Variants in MYH8 observed in about 807,000 individuals in gnomAD.
The protein encoded by MYH8 is myosin-8.
Under a neutral mutation model 233.2 loss-of-function variants are expected in MYH8, and 168 were observed. That is an observed-to-expected ratio of 0.72 (90% confidence interval 0.64 to 0.82). The LOEUF is 0.82. Ranked by LOEUF, MYH8 falls within the 40% of genes least tolerant of loss-of-function variation. The probability of loss-of-function intolerance (pLI) is 0.00; values close to 1 mark genes in which losing one functional copy is unlikely to be tolerated. For missense variants in MYH8, 1,995 were observed against 2,327.8 expected (o/e 0.86, Z 2.94); for synonymous variants, 785 against 850.6 (o/e 0.92, Z 1.34).
In MYH8 at chr17:10,398,863, C is replaced by T; in HGVS notation, c.3886G>A (p.Glu1296Lys). 6.2e-7 allele frequency: 1 copy of T among 1,613,180 alleles called. No homozygotes were observed. Among genetic ancestry groups the T allele is most frequent in the Non-Finnish European group, 8.5e-7 (1 of 1,179,972 alleles). Reference sequence around the variant, plus strand: ...AGCTGAGAGACTAAAGCATCTTTCTCATCTAATTGTCGAGAATATTCACCT... The same window carrying T: ...AGCTGAGAGACTAAAGCATCTTTCTTATCTAATTGTCGAGAATATTCACCT... The part of the protein sequence containing the change: ...EAGEYSRQLD[E>K]KDALVSQLSR... Residue 1296 changes from glutamate (E) to lysine (K), a missense_variant, in exon 29 of 40, where the codon GAG becomes AAG. Glu to Lys is a moderately conservative substitution (Grantham distance 56). Coordinates refer to ENST00000403437, the MANE Select transcript of MYH8 (RefSeq NM_002472.3).
chr17:10,417,227 T>C lies in MYH8; in HGVS notation c.511+1418A>G, dbSNP rs1597405609. ...TACATCAATTTGCTGATTTGTTAAA[T>C]CTCTAATTCTATAGTGTTAGATTAT... On this transcript the variant is annotated intron_variant, in intron 5 of 39. Transcript: ENST00000403437. This position sits in a 1 kb window ranked among gnomAD's most constrained non-coding sequence, Gnocchi z 4.1. 6.6e-6 allele frequency among the ~76,000 whole-genome samples: 1 copy of C among 152,364 alleles called. No individual in the cohort carries two copies.
intron 35 of MYH8, among the ~76,000 whole-genome samples, chr17:10,393,818 G>A (rs1231475350): frequency 6.6e-6 from 1 of 152,122 alleles, no homozygotes; most frequent in African/African-American, 2.4e-5. Flanking sequence ...TGTAAGGCAT[G>A]GGGACAGTGA....
At position 10,396,804 on chromosome 17, in the gene MYH8, T is replaced by C; in HGVS notation, c.4361A>G (p.Lys1454Arg). 1 of 1,614,222 alleles carries C rather than the reference T, an allele frequency of 6.2e-7. No homozygotes were observed. The highest frequency in any genetic ancestry group is 8.5e-7 in the Non-Finnish European group (1 of 1,180,030). ...TAAAGTTTAAGCAGTCTGGGCCACC[T>C]TGTCAAAGTTCCTTTGCTTCTTATC... is the stretch of plus-strand genomic sequence containing the variant. ...ALDKKQRNFD[K>R]VLSEWKQKYE... is the part of the protein sequence containing the mutation. The change falls in exon 31 of 40, where the codon AAG (lysine) becomes AGG (arginine). Residue 1454 changes from lysine (K) to arginine (R), a missense_variant and splice_region_variant. Coordinates refer to ENST00000403437, the MANE Select transcript of MYH8 (RefSeq NM_002472.3). The surrounding 1 kb of genome is among the most constrained non-coding windows in gnomAD (Gnocchi z 4.2).
chr17:10,395,799 A>AT (rs907332313), intron 33 of MYH8, among the ~76,000 whole-genome samples: 1 of 151,844 alleles, frequency 6.6e-6, no homozygotes, highest in African/African-American at 2.4e-5. Flanking sequence ...TAAAATGTTA[A>AT]TTTTTTTTCC....
Position 10,396,244 on chromosome 17 carries a change from G to A in MYH8, c.4653+86C>T. 6.7e-7 allele frequency: 1 copy of A among 1,500,180 alleles called. No individual in the cohort carries two copies. Among genetic ancestry groups the A allele is most frequent in the East Asian group, 2.3e-5 (1 of 43,794 alleles). 92.9% of individuals were successfully genotyped at this position (1,500,180 alleles called of 1,614,324 possible). The stretch of plus-strand genomic sequence containing the variant: ...CCAAGTTGTCCTTCATAAAGATCCT[G>A]TGAGTTTAAATTATCACTAGCCCCA... On this transcript the variant is annotated intron_variant, in intron 33 of 39. Transcript: ENST00000403437. This position sits in a 1 kb window ranked among gnomAD's most constrained non-coding sequence, Gnocchi z 4.2.
At chr17:10,401,988 G>T (rs1390810678) in intron 22 of MYH8, among the ~76,000 whole-genome samples, 2 of 152,130 alleles carry the variant, frequency 1.3e-5, no homozygotes, top group Non-Finnish European at 2.9e-5. Flanking sequence ...AAGCAAACTA[G>T]TTTGCAAAGT....
At position 10,415,674 on chromosome 17, in the gene MYH8, C is replaced by T. The variant is rs1400609667; in HGVS notation, c.539+7G>A. On this transcript the variant is annotated splice_region_variant and intron_variant, in intron 6 of 39. Transcript: ENST00000403437. This position sits in a 1 kb window ranked among gnomAD's most constrained non-coding sequence, Gnocchi z 4.1. The stretch of plus-strand genomic sequence containing the variant: ...TTGCAAATCAGAGAAGAAAAAAAAT[C>T]ACATACGTGATCAGGATGGACTGAT... The T allele has an allele frequency of 6.2e-7, 1 of 1,613,846 alleles. No individual in the cohort carries two copies.
intron 17 of MYH8, 151 bp downstream of exon 17, chr17:10,408,945 AG>A: frequency 1.4e-6 from 1 of 717,152 alleles, no homozygotes; most frequent in Non-Finnish European, 2.4e-6. Flanking sequence ...CCGTTCCTAC[AG>A]GAGTAGTATT....
intron 37 of MYH8, 69 bp from the exon 38 acceptor site, chr17:10,392,715 G>A: frequency 1.2e-6 from 2 of 1,611,602 alleles, no homozygotes; most frequent in South Asian, 2.2e-5. Flanking sequence ...CCTACTGAAG[G>A]CATGGGGTGG....
rs1381745110 is a variant in MYH8, at chr17:10,414,217, T to C, written c.983A>G (p.Asp328Gly). Residue 328 changes from aspartate to glycine, a missense_variant, in exon 11 of 40, where the codon GAC becomes GGC. By Grantham distance (94) the Asp-to-Gly change is moderately conservative. This residue lies in a region of MYH8 where 479 missense variants were observed against 600.9 expected (regional missense o/e 0.80). Transcript: ENST00000403437. Reference protein sequence around the residue: ...QGEITVPSIDDQEELMATDSA... With the variant: ...QGEITVPSIDGQEELMATDSA... Reference sequence around the variant, plus strand: ...ATCAGTGGCCATCAACTCTTCTTGGTCATCAATACTGGGAACTGTGATCTC... The same window carrying C: ...ATCAGTGGCCATCAACTCTTCTTGGCCATCAATACTGGGAACTGTGATCTC... 1 of 1,614,188 alleles carries C rather than the reference T, an allele frequency of 6.2e-7. No homozygotes were observed. Among genetic ancestry groups the C allele is most frequent in the South Asian group, 1.1e-5 (1 of 91,076 alleles).
chr17:10,407,854 A>T (rs1224578953), intron 17 of MYH8, among the ~76,000 whole-genome samples: 2 of 151,560 alleles, frequency 1.3e-5, no homozygotes, highest in African/African-American at 4.8e-5. Flanking sequence ...AAAAATAAAT[A>T]AATAAAATAA....
chr17:10,401,717 C>T lies in MYH8; in HGVS notation c.2757G>A (p.Glu919=), dbSNP rs2072145168. ...TTTCAGTCACCTCTTTGATTTTGGCCTCAAGTTGGATTTTGTTTTTAATCA... is the reference window on the plus strand; with the variant it reads ...TTTCAGTCACCTCTTTGATTTTGGCTTCAAGTTGGATTTTGTTTTTAATCA... ...EQLIKNKIQL[E]AKIKEVTERA... Residue 919 remains glutamate (E), a synonymous_variant, in exon 23 of 40, where the codon GAG becomes GAA. Coordinates refer to ENST00000403437, the MANE Select transcript of MYH8 (RefSeq NM_002472.3). 14 of 1,614,090 alleles carry T rather than the reference C, an allele frequency of 8.7e-6. No homozygotes were observed. In the East Asian group the frequency reaches 3.1e-4, roughly 36 times the overall value.
At position 10,395,394 on chromosome 17, in the gene MYH8, C is replaced by T. The variant is rs747454641; in HGVS notation, c.4701G>A (p.Glu1567=). The T allele has an allele frequency of 1.2e-5, 19 of 1,614,150 alleles. No homozygotes were observed. The highest frequency in any genetic ancestry group is 2.2e-5 in the South Asian group (2 of 91,076). ...EEGKILRIQL[E]LNQVKSEVDR... ...CAACTTCAGACTTGACTTGGTTTAA[C>T]TCAAGCTGGATACGCAGAATCTTTC... Residue 1567 remains glutamate, a synonymous_variant, in exon 34 of 40, where the codon GAG becomes GAA. Transcript: ENST00000403437.
At position 10,390,469 on chromosome 17, in the gene MYH8, T is replaced by A; in HGVS notation, c.5799A>T (p.Lys1933Asn). ...LRVKSREVHT[K>N]ISAE ...GCAGGTGTGTTTACTCTGCACTGAT[T>A]TTTGTGTGAACCTCTCGGCTCTTCA... The change falls in exon 40 of 40, where the codon AAA (lysine) becomes AAT (asparagine). Residue 1933 changes from lysine (K) to asparagine (N), a missense_variant. This residue lies in a region of MYH8 where 1,498 missense variants were observed against 1,680.9 expected (regional missense o/e 0.89). Coordinates refer to ENST00000403437, the MANE Select transcript of MYH8 (RefSeq NM_002472.3). 3 of 1,613,658 alleles carry A rather than the reference T, an allele frequency of 1.9e-6. No homozygotes were observed. Among genetic ancestry groups the A allele is most frequent in the Non-Finnish European group, 2.5e-6 (3 of 1,180,038 alleles).
chr17:10,403,824 T>C (rs1412049081), intron 22 of MYH8, among the ~76,000 whole-genome samples: 2 of 152,150 alleles, frequency 1.3e-5, no homozygotes, highest in African/African-American at 4.8e-5. Flanking sequence ...GAACTAGAGA[T>C]TTGTATCAGA....
rs2072235897 is a variant in MYH8, at chr17:10,410,653, A to G, written c.1587+124T>C. On this transcript the variant is annotated intron_variant, in intron 15 of 39. Transcript: ENST00000403437. ...GTTAAAAAGAGGAAGTAATTTCTAA[A>G]TAGTAATTTTCCAGTTTGTTCAGAT... is the stretch of plus-strand genomic sequence containing the variant. 8.9e-6 allele frequency: 13 copies of G among 1,466,756 alleles called. No individual in the cohort carries two copies. In the East Asian group the frequency reaches 3.0e-4, roughly 33 times the overall value. The allele number at this position is 1,466,756 out of a possible 1,614,324, so 90.9% of individuals were successfully genotyped here. A position where few individuals can be genotyped will look rare whatever the true frequency, so the allele number is the denominator to read the frequency against.
chr17:10,419,047 A>T lies in MYH8; in HGVS notation c.211-17T>A. 6.2e-7 allele frequency: 1 copy of T among 1,614,008 alleles called. No individual in the cohort carries two copies. The highest frequency in any genetic ancestry group is 8.5e-7 in the Non-Finnish European group (1 of 1,179,970). On this transcript the variant is annotated splice_polypyrimidine_tract_variant and intron_variant, in intron 3 of 39. Transcript: ENST00000403437. The surrounding 1 kb of genome is among the most constrained non-coding windows in gnomAD (Gnocchi z 4.0). ...AGTTAGAGTCTGGTGAGTAAGCAAG[A>T]AACCAGTTCGTTTTTGTTTGTTTGT...
rs762523289 is a variant in MYH8, at chr17:10,406,925, G to T, written c.2020C>A (p.Arg674=). 2 of 1,613,920 alleles carry T rather than the reference G, an allele frequency of 1.2e-6. No individual in the cohort carries two copies. The highest frequency in any genetic ancestry group is 1.7e-5 in the Admixed American group (1 of 60,018). ...TTGGTTTCATTGGGAATGATACACC[G>T]TACGAAGTGAGGGTGTGTGCTCCTC... ...NLRSTHPHFV[R]CIIPNETKTP... is the part of the protein sequence containing the mutation. Residue 674 remains arginine, a synonymous_variant, in exon 18 of 40, where the codon CGG becomes AGG. Transcript: ENST00000403437.
chr17:10,393,990 G>GTT (rs2072053973), intron 35 of MYH8, among the ~76,000 whole-genome samples: 1 of 57,028 alleles, frequency 1.8e-5, no homozygotes, highest in Non-Finnish European at 3.3e-5. Context: ...AAAAGTAATA[G>GTT]CTTTTTTTTT....
Sources: allele counts gnomAD v4.1 joint callset (sites outside exome capture counted in the v4.1 genomes callset), GRCh38; gene constraint gnomAD v4.1.1; regional missense constraint gnomAD v4.1.1; non-coding constraint Gnocchi (gnomAD v3.1); transcripts MANE v1.5; gene names NCBI Gene and HGNC (gene_info 2026-07-23, HGNC 2026-07-21).